The following BMP6 variants were observed in gnomAD, a reference collection of about 807,000 sequenced individuals.
BMP6 encodes VG-1-R.
A neutral mutation model predicts 54.1 loss-of-function variants in BMP6; 17 were observed. The observed-to-expected ratio is 0.31, with a 90% CI of 0.22 to 0.47. BMP6 has a LOEUF of 0.47. Ranked by LOEUF, BMP6 falls within the 20% of genes least tolerant of loss-of-function variation. The probability of loss-of-function intolerance (pLI) is 1.00; values close to 1 mark genes in which losing one functional copy is unlikely to be tolerated. For synonymous variants in BMP6, 328 were observed against 291.2 expected, an observed-to-expected ratio of 1.13 and a Z score of -1.28; for missense variants, 720 against 690.4, an observed-to-expected ratio of 1.04 and a Z score of -0.48.
intron 1 of BMP6, among the ~76,000 whole-genome samples, chr6:7,790,271 T>A (rs2113181759): frequency 6.6e-6 from 1 of 152,180 alleles, no homozygotes; most frequent in African/African-American, 2.4e-5. Flanking sequence ...CCCTCACACT[T>A]TGGGATGCGG....
At chr6:7,854,653 A>G (rs1369896945) in intron 2 of BMP6, among the ~76,000 whole-genome samples, 1 of 152,046 alleles carries the variant, frequency 6.6e-6, no homozygotes, top group East Asian at 1.9e-4. Context: ...AAACTTAGTC[A>G]GGCGTGGTGG....
chr6:7,781,790 A>G (rs1757952346), intron 1 of BMP6, among the ~76,000 whole-genome samples: 1 of 151,580 alleles, frequency 6.6e-6, no homozygotes, highest in Non-Finnish European at 1.5e-5. Context: ...TCCTGGAACA[A>G]ATGGCGCTTG....
intron 1 of BMP6, among the ~76,000 whole-genome samples, chr6:7,805,450 C>T (rs1758334064): frequency 6.6e-6 from 1 of 152,180 alleles, no homozygotes; most frequent in Admixed American, 6.5e-5. Flanking sequence ...ATGAGAGATA[C>T]TGAGATGCTG....
intron 1 of BMP6, among the ~76,000 whole-genome samples, chr6:7,744,716 G>A (rs1433447787): frequency 6.6e-6 from 1 of 152,176 alleles, no homozygotes; most frequent in Non-Finnish European, 1.5e-5. Context: ...CCCTGAGCAT[G>A]GGTGGTCCAG....
chr6:7,842,852 T>C (rs1758998600), intron 1 of BMP6, among the ~76,000 whole-genome samples: 2 of 152,230 alleles, frequency 1.3e-5, no homozygotes, highest in Non-Finnish European at 2.9e-5. Context: ...TCTAAGGAAG[T>C]TTATTGAAAG....
intron 1 of BMP6, among the ~76,000 whole-genome samples, chr6:7,842,405 G>C (rs753229754): frequency 6.6e-6 from 1 of 151,704 alleles, no homozygotes; most frequent in Non-Finnish European, 1.5e-5. Context: ...CCCCATCTCT[G>C]TTCTCCTCTC....
chr6:7,861,708 A>G, intron 3 of BMP6, 109 bp downstream of exon 3: 2 of 1,457,232 alleles, frequency 1.4e-6, no homozygotes, highest in Non-Finnish European at 1.9e-6. Flanking sequence ...CCTCAGCTTC[A>G]GGATGGCCTC....
rs62387014 is a variant in BMP6, at chr6:7,798,031, T to G, written c.665-47109T>G. Among the ~76,000 whole-genome samples, 1,385 of 152,322 alleles carry G rather than the reference T, an allele frequency of 9.1e-3. 10 individuals are homozygous for G. Among genetic ancestry groups the G allele is most frequent in the Non-Finnish European group, 0.014 (957 of 68,020 alleles). On this transcript the variant is annotated intron_variant, in intron 1 of 6. Coordinates refer to ENST00000283147, the MANE Select transcript of BMP6 (RefSeq NM_001718.6). ...GTGTTGTAGATCTTGTGCCTGTCAT[T>G]CTTTCCCTTAAGCTAAATATGCTCT...
At chr6:7,806,547 G>T (rs979458294) in intron 1 of BMP6, among the ~76,000 whole-genome samples, 25 of 151,646 alleles carry the variant, frequency 1.6e-4, no homozygotes, top group African/African-American at 5.8e-4. Flanking sequence ...TGGTTTCTCT[G>T]ATTCTAGGAA....
At chr6:7,867,841 G>A (rs1034999534) in intron 4 of BMP6, among the ~76,000 whole-genome samples, 1 of 152,188 alleles carries the variant, frequency 6.6e-6, no homozygotes, top group African/African-American at 2.4e-5. Flanking sequence ...TCTTGTTCGA[G>A]GATAATGGCT....
Position 7,805,242 on chromosome 6 carries a change from T to C in BMP6, c.665-39898T>C, listed in dbSNP as rs1434603903. 4.6e-5 allele frequency among the ~76,000 whole-genome samples: 7 copies of C among 152,308 alleles called. No homozygotes were observed. In the East Asian group the frequency reaches 1.2e-3, roughly 25 times the overall value. On this transcript the variant is annotated intron_variant, in intron 1 of 6. Transcript: ENST00000283147. The stretch of plus-strand genomic sequence containing the variant: ...TGTTGGTTGCTCATCTTTCATCTTT[T>C]CAGTGCAGCCAGAATAATCGCTGAG...
At chr6:7,853,752 C>G (rs1759180755) in intron 2 of BMP6, among the ~76,000 whole-genome samples, 1 of 152,192 alleles carries the variant, frequency 6.6e-6, no homozygotes, top group Admixed American at 6.5e-5. Flanking sequence ...TCTGTGTGGG[C>G]CTCGAGAGGC....
chr6:7,726,128 C>G lies in BMP6; in HGVS notation c.-828C>G, dbSNP rs1002809486. ...AGCCCACGTTGGCCGCTGCGGGGAG[C>G]GCGGCGTGGAGAGGCGGGAGACCGA... On this transcript the variant is annotated 5_prime_UTR_variant, in exon 1 of 7. Coordinates refer to ENST00000283147, the MANE Select transcript of BMP6 (RefSeq NM_001718.6). Among the ~76,000 whole-genome samples the G allele has an allele frequency of 2.0e-5, 3 of 152,214 alleles. No individual in the cohort carries two copies. The highest frequency in any genetic ancestry group is 7.2e-5 in the African/African-American group (3 of 41,462).
intron 1 of BMP6, among the ~76,000 whole-genome samples, chr6:7,837,196 G>A (rs1200952023): frequency 6.6e-6 from 1 of 152,084 alleles, no homozygotes; most frequent in African/African-American, 2.4e-5. Context: ...CCTCTCTGTT[G>A]TTCCCCTTTT....
At chr6:7,861,845 G>C (rs558459460) in intron 3 of BMP6, among the ~76,000 whole-genome samples, 2 of 152,196 alleles carry the variant, frequency 1.3e-5, no homozygotes, top group Non-Finnish European at 2.9e-5. Context: ...AGAGGATGGC[G>C]ATGGGAGGAC....
At chr6:7,758,937 A>T (rs1757566469) in intron 1 of BMP6, among the ~76,000 whole-genome samples, 1 of 152,188 alleles carries the variant, frequency 6.6e-6, no homozygotes, top group African/African-American at 2.4e-5. Flanking sequence ...TAAGACTAAC[A>T]TGAGTGGTCT....
At position 7,774,199 on chromosome 6, in the gene BMP6, G is replaced by A. The variant is rs530374829; in HGVS notation, c.664+46580G>A. Among the ~76,000 whole-genome samples the A allele has an allele frequency of 2.0e-5, 3 of 152,298 alleles. No homozygotes were observed. In the South Asian group the frequency reaches 6.2e-4, roughly 32 times the overall value. On this transcript the variant is annotated intron_variant, in intron 1 of 6. Coordinates refer to ENST00000283147, the MANE Select transcript of BMP6 (RefSeq NM_001718.6). ...GTTTGGGTGGCTCCCTCAGCCTGGT[G>A]GCAGAGAAAATTCTCAGGTTGCTTG...
At chr6:7,790,672 G>A (rs1053479104) in intron 1 of BMP6, among the ~76,000 whole-genome samples, 6 of 152,268 alleles carry the variant, frequency 3.9e-5, no homozygotes, top group Admixed American at 2.6e-4. Context: ...GGGACAGCAG[G>A]TTGATGGTGT....
chr6:7,845,231 G>A lies in BMP6; in HGVS notation c.756G>A (p.Thr252=), dbSNP rs754411823. The A allele has an allele frequency of 1.4e-5, 22 of 1,614,120 alleles. No homozygotes were observed. The highest frequency in any genetic ancestry group is 1.7e-5 in the Admixed American group (1 of 60,026). ...LSQIPEGEVV[T]AAEFRIYKDC... The stretch of plus-strand genomic sequence containing the variant: ...AGATTCCTGAGGGTGAGGTGGTGAC[G>A]GCTGCAGAATTCCGCATCTACAAGG... Residue 252 remains threonine, a synonymous_variant, in exon 2 of 7, where the codon ACG becomes ACA. Coordinates refer to ENST00000283147, the MANE Select transcript of BMP6 (RefSeq NM_001718.6).
Sources: allele counts gnomAD v4.1 joint callset (sites outside exome capture counted in the v4.1 genomes callset), GRCh38; gene constraint gnomAD v4.1.1; transcripts MANE v1.5; gene names NCBI Gene and HGNC (gene_info 2026-07-23, HGNC 2026-07-21).